CCT6B: variants seen among roughly 807,000 people sequenced by gnomAD.
The protein encoded by CCT6B is probable T-complex protein 1 subunit zeta-2.
A neutral mutation model predicts 61.5 loss-of-function variants in CCT6B; 49 were observed. The observed-to-expected ratio is 0.80, with a 90% CI of 0.63 to 1.01. The LOEUF (loss-of-function observed/expected upper bound fraction) is 1.01. Among genes scored for constraint, CCT6B ranks in the 50% least tolerant of loss-of-function variants. The pLI is 0.00. For missense variants in CCT6B, 666 were observed against 634.7 expected (o/e 1.05, Z -0.53); for synonymous variants, 228 against 214.5 (o/e 1.06, Z -0.55).
chr17:34,939,308 A>T lies in CCT6B; in HGVS notation c.1088T>A (p.Ile363Asn). The T allele has an allele frequency of 1.2e-6, 2 of 1,613,324 alleles. No individual in the cohort carries two copies. The highest frequency in any genetic ancestry group is 1.7e-6 in the Non-Finnish European group (2 of 1,179,596). The change falls in exon 10 of 14, where the codon ATT becomes AAT. Residue 363 changes from isoleucine (I) to asparagine (N), a missense_variant. Physicochemically the swap from Ile to Asn is moderately radical, Grantham distance 149. Transcript: ENST00000314144. ...AGAGCAAGGGTTAACACACTCCTCAATAAAAGTGAACTTTTCTTCACCCTA... is the reference window on the plus strand; with the variant it reads ...AGAGCAAGGGTTAACACACTCCTCATTAAAAGTGAACTTTTCTTCACCCTA... Reference protein sequence around the residue: ...YTLGEEKFTFIEECVNPCSVT... With the variant: ...YTLGEEKFTFNEECVNPCSVT...
intron 5 of CCT6B, among the ~76,000 whole-genome samples, chr17:34,945,322 T>C (rs2090211277): frequency 6.6e-6 from 1 of 152,214 alleles, no homozygotes; most frequent in Non-Finnish European, 1.5e-5. Flanking sequence ...AAATTCCTAA[T>C]CAACATCTCC....
intron 4 of CCT6B, among the ~76,000 whole-genome samples, chr17:34,953,341 A>ATATATATATATATATT (rs1555550678): frequency 7.2e-6 from 1 of 139,828 alleles, no homozygotes; most frequent in Non-Finnish European, 1.5e-5. Flanking sequence ...ATATATATAT[A>ATATATATATATATATT]TTTTTTTGAG....
rs117241523 is a variant in CCT6B at position 34,960,528 on chromosome 17, T to C, written c.137+729A>G. Among the ~76,000 whole-genome samples, 42 of 152,344 alleles carry C rather than the reference T, an allele frequency of 2.8e-4. No homozygotes were observed. In the East Asian group the frequency reaches 7.5e-3, roughly 27 times the overall value. On this transcript the variant is annotated intron_variant, in intron 1 of 13. Transcript: ENST00000314144. ...CCATCAGTCCCTTTCTTCAGCATAA[T>C]TATATGCATCTATATATAATTAGCA...
intron 5 of CCT6B, chr17:34,943,140 C>T (rs2090185315): frequency 5.1e-6 from 2 of 390,080 alleles, no homozygotes; most frequent in Non-Finnish European, 9.2e-6. Flanking sequence ...CCTCAGCCTC[C>T]CAAGTAGCTG....
rs904746016 is a variant in CCT6B, at chr17:34,939,340, G to C, written c.1066-10C>G. On this transcript the variant is annotated splice_polypyrimidine_tract_variant and intron_variant, in intron 9 of 13. Transcript: ENST00000314144. ...TGAACTTTTCTTCACCCTAAAGGGT[G>C]GCACAAAAATATATAACTTTAATAT... 13 of 1,598,670 alleles carry C rather than the reference G, an allele frequency of 8.1e-6. No individual in the cohort carries two copies. The highest frequency in any genetic ancestry group is 1.1e-5 in the Non-Finnish European group (13 of 1,171,762).
At chr17:34,938,493 C>T (rs1010248452) in intron 10 of CCT6B, among the ~76,000 whole-genome samples, 2 of 152,108 alleles carry the variant, frequency 1.3e-5, no homozygotes, top group East Asian at 3.9e-4. Flanking sequence ...GGGTTTGAGG[C>T]TGCAGTGAGC....
chr17:34,930,207 G>A (rs879785696), intron 12 of CCT6B, among the ~76,000 whole-genome samples: 1 of 152,224 alleles, frequency 6.6e-6, no homozygotes, highest in Admixed American at 6.5e-5. Flanking sequence ...GGGAGGCAGA[G>A]GTTGCAGTGA....
At chr17:34,951,072 A>G (rs1404293033) in intron 5 of CCT6B, among the ~76,000 whole-genome samples, 3 of 152,218 alleles carry the variant, frequency 2.0e-5, no homozygotes, top group Non-Finnish European at 4.4e-5. Context: ...AAGAACCTAC[A>G]AATTAACAAA....
At position 34,944,875 on chromosome 17, in the gene CCT6B, G is replaced by A. The variant is rs1333725199; in HGVS notation, c.615-1969C>T. On this transcript the variant is annotated intron_variant, in intron 5 of 13. Coordinates refer to ENST00000314144, the MANE Select transcript of CCT6B (RefSeq NM_006584.4). ...CAGAAGGCAGAGCTTGCAGTGAGCC[G>A]CGATCGCGCCACTGGACTCCAGCCT... Among the ~76,000 whole-genome samples, 8 of 152,212 alleles carry A rather than the reference G, an allele frequency of 5.3e-5. 1 individual carries two copies. Among genetic ancestry groups the A allele is most frequent in the African/African-American group, 1.2e-4 (5 of 41,440 alleles).
intron 10 of CCT6B, among the ~76,000 whole-genome samples, chr17:34,933,402 C>G (rs2090058498): frequency 6.6e-6 from 1 of 152,100 alleles, no homozygotes; most frequent in Non-Finnish European, 1.5e-5. Context: ...TGCTTTAAAA[C>G]AAAACAATAC....
Position 34,939,221 on chromosome 17 carries a change from C to G in CCT6B, c.1175G>C (p.Arg392Thr), listed in dbSNP as rs2090130791. ...HTLTQVKDAI[R>T]DGLRAIKNAI... ...ATTTTTGATAGCACGAAGTCCATCT[C>G]TTATGGCATCCTTGACTTGTGTGAG... The change falls in exon 10 of 14, where the codon AGA (arginine) becomes ACA (threonine). Residue 392 changes from arginine (R) to threonine (T), a missense_variant. By Grantham distance (71) the Arg-to-Thr change is moderately conservative. Coordinates refer to ENST00000314144, the MANE Select transcript of CCT6B (RefSeq NM_006584.4). 1 of 1,613,792 alleles carries G rather than the reference C, an allele frequency of 6.2e-7. No homozygotes were observed. The highest frequency in any genetic ancestry group is 8.5e-7 in the Non-Finnish European group (1 of 1,179,934).
chr17:34,943,802 AC>A (rs1187632026), intron 5 of CCT6B: 2 of 150,764 alleles, frequency 1.3e-5, no homozygotes, highest in Admixed American at 6.6e-5. Flanking sequence ...AAAAAAAAAA[AC>A]AACTTGGCAT....
chr17:34,933,919 G>A (rs8073366), intron 10 of CCT6B, among the ~76,000 whole-genome samples: 76,156 of 151,652 alleles, frequency 0.5, 20,332 homozygotes, highest in East Asian at 0.81. Flanking sequence ...ACTTGAGCCC[G>A]GAAATTCAAG....
intron 3 of CCT6B, among the ~76,000 whole-genome samples, chr17:34,957,960 G>T (rs536712578): frequency 1.6e-3 from 249 of 152,022 alleles, no homozygotes; most frequent in Middle Eastern, 3.4e-3. Context: ...TGCATAATTT[G>T]GTTTCAACTT....
chr17:34,947,355 A>G (rs1412663823), intron 5 of CCT6B, among the ~76,000 whole-genome samples: 3 of 152,218 alleles, frequency 2.0e-5, no homozygotes, highest in Non-Finnish European at 4.4e-5. Context: ...TAGCTACATC[A>G]TAGTAAAAGT....
chr17:34,939,640 C>T lies in CCT6B; in HGVS notation c.1042G>A (p.Gly348Ser), dbSNP rs1221867506. The T allele has an allele frequency of 3.7e-6, 6 of 1,609,988 alleles. No individual in the cohort carries two copies. In the African/African-American group the frequency reaches 6.7e-5, roughly 18 times the overall value. ...DLTVDCLGHA[G>S]LVYEYTLGEE... is the part of the protein sequence containing the mutation. Reference sequence around the variant, plus strand: ...ACTAATGTATACTCATACACAAGACCAGCATGTCCCAAGCAATCTACAGTG... The same window carrying T: ...ACTAATGTATACTCATACACAAGACTAGCATGTCCCAAGCAATCTACAGTG... The change falls in exon 9 of 14, where the codon GGT becomes AGT. Residue 348 changes from glycine (G) to serine (S), a missense_variant. Transcript: ENST00000314144.
chr17:34,960,463 A>G (rs2090399170), intron 1 of CCT6B, among the ~76,000 whole-genome samples: 1 of 152,164 alleles, frequency 6.6e-6, no homozygotes, highest in African/African-American at 2.4e-5. Context: ...TCTTCTTTCA[A>G]GACTGATCAA....
chr17:34,931,344 T>C (rs1319461256), intron 11 of CCT6B, among the ~76,000 whole-genome samples: 1 of 152,192 alleles, frequency 6.6e-6, no homozygotes, highest in Non-Finnish European at 1.5e-5. Flanking sequence ...AGGTTTGTTT[T>C]GTTTTGTTTT....
intron 13 of CCT6B, among the ~76,000 whole-genome samples, 157 bp from the exon 14 acceptor site, chr17:34,928,274 C>CTTT (rs778522093): frequency 6.9e-6 from 1 of 145,254 alleles, no homozygotes. Context: ...CAAATGTCAC[C>CTTT]TTTTTTTTTT....
Sources: allele counts gnomAD v4.1 joint callset (sites outside exome capture counted in the v4.1 genomes callset), GRCh38; gene constraint gnomAD v4.1.1; transcripts MANE v1.5; gene names NCBI Gene and HGNC (gene_info 2026-07-23, HGNC 2026-07-21).